Variants in BANK1 observed in about 807,000 individuals in gnomAD.
BANK1 encodes B-cell scaffold protein with ankyrin repeats.
In BANK1, 95 loss-of-function variants were observed where a neutral mutation model predicts 94.5. That is an observed-to-expected ratio of 1.00 (90% CI 0.85 to 1.19). The LOEUF (loss-of-function observed/expected upper bound fraction) is 1.19. Ranked by LOEUF, BANK1 falls within the 50% of genes most tolerant of loss-of-function variation. The probability of loss-of-function intolerance (pLI) is 0.00; values close to 1 mark genes in which losing one functional copy is unlikely to be tolerated. For missense variants in BANK1, 987 were observed against 932.2 expected (o/e 1.06, Z -0.77); for synonymous variants, 334 against 308.4 (o/e 1.08, Z -0.87).
At chr4:101,928,450 G>A (rs1723235062) in intron 7 of BANK1, among the ~76,000 whole-genome samples, 1 of 151,598 alleles carries the variant, frequency 6.6e-6, no homozygotes, top group Non-Finnish European at 1.5e-5. Context: ...CAGACATTAA[G>A]GTCCATTCAT....
chr4:102,045,685 A>G (rs1213036529), intron 11 of BANK1, among the ~76,000 whole-genome samples: 1 of 151,848 alleles, frequency 6.6e-6, no homozygotes, highest in Non-Finnish European at 1.5e-5. Context: ...GTGAACTCCC[A>G]TTCACAATTG....
chr4:101,852,047 C>T (rs1727493826), intron 2 of BANK1, among the ~76,000 whole-genome samples: 1 of 152,056 alleles, frequency 6.6e-6, no homozygotes, highest in Non-Finnish European at 1.5e-5. Flanking sequence ...CTTTTCCAAA[C>T]ATGTTTTGGA....
intron 2 of BANK1, among the ~76,000 whole-genome samples, chr4:101,839,761 C>T (rs1726960675): frequency 6.6e-6 from 1 of 151,536 alleles, no homozygotes. Context: ...TTCAACTGGC[C>T]AAATTCTTTA....
chr4:101,840,272 A>G lies in BANK1; in HGVS notation c.469+10066A>G, dbSNP rs4356916. 6.0e-3 allele frequency among the ~76,000 whole-genome samples: 915 copies of G among 152,194 alleles called. 15 individuals are homozygous for G. The East Asian group carries it at 0.061, about 10-fold the overall frequency. On this transcript the variant is annotated intron_variant, in intron 2 of 16. Transcript: ENST00000322953. ...CGTGAGCCACCGCGCCCGGCCAAAT[A>G]TTTAATTTTATAGTGTGTTTAATCT... is the stretch of plus-strand genomic sequence containing the variant.
intron 12 of BANK1, 90 bp from the exon 13 acceptor site, chr4:102,062,985 C>A: frequency 2.1e-6 from 2 of 934,132 alleles, no homozygotes; most frequent in Non-Finnish European, 3.4e-6. Context: ...CAAGTAGCAG[C>A]ATTGGTATTG....
chr4:101,987,705 T>A (rs1321515956), intron 7 of BANK1, among the ~76,000 whole-genome samples: 1 of 152,172 alleles, frequency 6.6e-6, no homozygotes, highest in Admixed American at 6.6e-5. Flanking sequence ...AGCAGAAATC[T>A]TATTCTACCT....
rs149578116 is a variant in BANK1 at position 101,941,465 on chromosome 4, C to T, written c.1206+23276C>T. Among the ~76,000 whole-genome samples the T allele has an allele frequency of 7.6e-4, 115 of 151,866 alleles. 1 individual carries two copies. In the East Asian group the frequency reaches 0.018, roughly 24 times the overall value. On this transcript the variant is annotated intron_variant, in intron 7 of 16. Transcript: ENST00000322953. ...TCATTCAGTTTTGATGGAGGTCAAC[C>T]TCAGGCTTACTGGGATTTCCTACAT...
intron 4 of BANK1, among the ~76,000 whole-genome samples, chr4:101,869,319 A>G (rs1270822684): frequency 1.3e-5 from 2 of 151,942 alleles, no homozygotes; most frequent in South Asian, 2.1e-4. Context: ...TTCCATTACC[A>G]TATGCGTACT....
intron 7 of BANK1, among the ~76,000 whole-genome samples, chr4:102,010,391 CTTTT>C (rs1209533993): frequency 6.1e-5 from 8 of 130,430 alleles, no homozygotes; most frequent in African/African-American, 5.7e-5. Context: ...TGATTAATTT[CTTTT>C]TTTTTTTTTT....
chr4:102,025,152 CTT>C, intron 8 of BANK1, 47 bp from the exon 9 acceptor site: 2 of 1,572,994 alleles, frequency 1.3e-6, no homozygotes, highest in Non-Finnish European at 1.7e-6. Flanking sequence ...TATGAAATGC[CTT>C]CAGATGGTGT....
At chr4:101,834,961 TC>T (rs1167847712) in intron 2 of BANK1, among the ~76,000 whole-genome samples, 3 of 152,162 alleles carry the variant, frequency 2.0e-5, no homozygotes, top group Non-Finnish European at 2.9e-5. Context: ...TTATATTTTC[TC>T]CTAGTATTTT....
At chr4:101,853,371 A>G (rs992694744) in intron 2 of BANK1, among the ~76,000 whole-genome samples, 2 of 152,164 alleles carry the variant, frequency 1.3e-5, no homozygotes, top group African/African-American at 4.8e-5. Flanking sequence ...ATACAGTGAG[A>G]CCAATATTCT....
intron 7 of BANK1, among the ~76,000 whole-genome samples, chr4:101,919,498 G>A (rs887011342): frequency 2.0e-5 from 3 of 151,946 alleles, no homozygotes; most frequent in African/African-American, 7.2e-5. Context: ...TTTGATGGAT[G>A]TGGGATATAA....
At chr4:102,012,742 T>C (rs1001465907) in intron 7 of BANK1, among the ~76,000 whole-genome samples, 1 of 152,148 alleles carries the variant, frequency 6.6e-6, no homozygotes, top group African/African-American at 2.4e-5. Flanking sequence ...TCTAGTCTTT[T>C]ATTACTCAGC....
chr4:101,790,765 G>C lies in BANK1; in HGVS notation c.-116G>C, dbSNP rs1302276414. On this transcript the variant is annotated 5_prime_UTR_variant, in exon 1 of 17. Transcript: ENST00000322953. ...CGCAGCCTCCGCGGGTGGCAAGCGG[G>C]CTGGGGAGAGCCGAGGGCCAAAGGA... 7 of 1,158,608 alleles carry C rather than the reference G, an allele frequency of 6.0e-6. No individual in the cohort carries two copies. Among genetic ancestry groups the C allele is most frequent in the Non-Finnish European group, 6.2e-6 (5 of 807,176 alleles). The allele number at this position is 1,158,608 out of a possible 1,614,324, so 71.8% of individuals were successfully genotyped here.
chr4:101,839,704 T>A (rs1726959070), intron 2 of BANK1, among the ~76,000 whole-genome samples: 1 of 152,098 alleles, frequency 6.6e-6, no homozygotes. Flanking sequence ...GAATCATTGC[T>A]TCATTATTCA....
At chr4:101,928,814 G>A (rs576303430) in intron 7 of BANK1, among the ~76,000 whole-genome samples, 30 of 151,640 alleles carry the variant, frequency 2.0e-4, no homozygotes, top group Admixed American at 1.1e-3. Context: ...GGAGTGGAGA[G>A]CAGCGCCTGG....
At chr4:101,844,831 AGCTTCTTTTAGG>A (rs1341371912) in intron 2 of BANK1, among the ~76,000 whole-genome samples, 2 of 152,182 alleles carry the variant, frequency 1.3e-5, no homozygotes. Context: ...ACCCCAAACA[AGCTTCTTTTAGG>A]GCTTTATCTA....
chr4:101,864,086 G>T (rs1727980875), intron 4 of BANK1, among the ~76,000 whole-genome samples: 1 of 152,128 alleles, frequency 6.6e-6, no homozygotes. Context: ...ACATACTATT[G>T]TCTTCATGAT....
Sources: allele counts gnomAD v4.1 joint callset (sites outside exome capture counted in the v4.1 genomes callset), GRCh38; gene constraint gnomAD v4.1.1; transcripts MANE v1.5; gene names NCBI Gene and HGNC (gene_info 2026-07-23, HGNC 2026-07-21).